The following NIN variants were observed in gnomAD, a reference collection of about 807,000 sequenced individuals.
NIN encodes glycogen synthase kinase 3 beta-interacting protein.
In NIN, 137 loss-of-function variants were observed where a neutral mutation model predicts 257.6. The ratio of observed to expected loss-of-function variants is 0.53; its 90% confidence interval spans 0.46 to 0.61. The LOEUF (loss-of-function observed/expected upper bound fraction) is 0.61, where lower values mean the gene tolerates loss of function less well. NIN is among the 20% of genes least tolerant of loss of function. The pLI is 0.00. For missense variants in NIN, 2,439 were observed against 2,501.2 expected (o/e 0.98, Z 0.53); for synonymous variants, 918 against 919.8 (o/e 1.00, Z 0.04).
At chr14:50,765,442 AAGT>A (rs1322461244) in intron 14 of NIN, among the ~76,000 whole-genome samples, 1 of 152,220 alleles carries the variant, frequency 6.6e-6, no homozygotes, top group East Asian at 1.9e-4. Flanking sequence ...GGAGGGCTGC[AAGT>A]AACTTCATAA....
In NIN at chr14:50,722,685, G is replaced by A. The variant is rs1433655251; in HGVS notation, c.*778C>T. ...TATTTACTCCAAAGTGGTTTGTTCA[G>A]TGCTTTCCCTATAGTTCAACTGCTT... On this transcript the variant is annotated 3_prime_UTR_variant, in exon 31 of 31. Transcript: ENST00000530997. The A allele has an allele frequency of 1.4e-5, 3 of 217,160 alleles. No homozygotes were observed. Among genetic ancestry groups the A allele is most frequent in the Non-Finnish European group, 2.8e-5 (3 of 107,628 alleles). 13.5% of individuals were successfully genotyped at this position (217,160 alleles called of 1,614,324 possible).
chr14:50,792,602 GAAA>G, intron 5 of NIN, 107 bp downstream of exon 5: 1 of 1,149,232 alleles, frequency 8.7e-7, no homozygotes. Flanking sequence ...TGGTAACTGA[GAAA>G]AGCCCACATC....
intron 8 of NIN, 80 bp from the exon 9 acceptor site, chr14:50,772,548 T>C (rs2042777651): frequency 8.0e-7 from 1 of 1,257,332 alleles, no homozygotes; most frequent in South Asian, 1.3e-5. Flanking sequence ...CTGACCACGA[T>C]GGGTAGAAGG....
At chr14:50,728,113 A>C (rs1360257535) in intron 29 of NIN, among the ~76,000 whole-genome samples, 2 of 151,774 alleles carry the variant, frequency 1.3e-5, no homozygotes. Flanking sequence ...TTGGAGGAAA[A>C]GGATATTTTT....
chr14:50,788,759 G>A (rs1037597405), intron 5 of NIN, among the ~76,000 whole-genome samples: 1 of 152,176 alleles, frequency 6.6e-6, no homozygotes, highest in Non-Finnish European at 1.5e-5. Context: ...AGTTTTTATA[G>A]GAGTTGTGAC....
intron 4 of NIN, among the ~76,000 whole-genome samples, chr14:50,800,401 G>A (rs192146863): frequency 1.2e-4 from 19 of 152,264 alleles, no homozygotes; most frequent in Non-Finnish European, 2.9e-5. Flanking sequence ...AATCTGAAAT[G>A]CTCCAATGAG....
chr14:50,741,521 C>T (rs199571003), intron 25 of NIN, 61 bp downstream of exon 25: 1 of 1,007,528 alleles, frequency 9.9e-7, no homozygotes, highest in Non-Finnish European at 1.5e-6. Flanking sequence ...ACCAAGTTGT[C>T]CTAAGATTTG....
At chr14:50,779,284 G>A (rs934059559) in intron 5 of NIN, among the ~76,000 whole-genome samples, 7 of 152,194 alleles carry the variant, frequency 4.6e-5, no homozygotes, top group Non-Finnish European at 1.0e-4. Flanking sequence ...AAGTTTATAT[G>A]CTAATGAAGA....
At position 50,741,682 on chromosome 14, in the gene NIN, G is replaced by A. The variant is rs1375122931; in HGVS notation, c.5348C>T (p.Ser1783Phe). ...DTVQNVNLQM[S>F]RMKSDLRVTQ... The stretch of plus-strand genomic sequence containing the variant: ...CACTCGTAGGTCAGATTTCATCCGG[G>A]ACATTTGCAGGTTTACATTCTGCAC... The change falls in exon 25 of 31, where the codon TCC becomes TTC. Residue 1783 changes from serine (S) to phenylalanine (F), a missense_variant. Around this residue, in one of 3 missense-constraint regions of NIN, gnomAD observed 2,043 missense variants for 2,050.2 expected, o/e 1.00. Coordinates refer to ENST00000530997, the MANE Select transcript of NIN (RefSeq NM_020921.4). 6.2e-7 allele frequency: 1 copy of A among 1,614,000 alleles called. No homozygotes were observed.
chr14:50,744,749 G>C (rs2041458618), intron 22 of NIN, among the ~76,000 whole-genome samples: 1 of 152,184 alleles, frequency 6.6e-6, no homozygotes. Flanking sequence ...GGTCAGTCTG[G>C]TGAACATGGT....
At position 50,757,940 on chromosome 14, in the gene NIN, T is replaced by A. The variant is rs2073348; in HGVS notation, c.3090A>T (p.Ser1030=). 0.31 allele frequency: 502,618 copies of A among 1,613,906 alleles called. 81,016 individuals are homozygous for A. Among genetic ancestry groups the A allele is most frequent in the East Asian group, 0.5 (22,284 of 44,862 alleles). Residue 1030 remains serine, a synonymous_variant, in exon 18 of 31, where the codon TCA becomes TCT. Coordinates refer to ENST00000530997, the MANE Select transcript of NIN (RefSeq NM_020921.4). ...TCACCTGGCAACCACTCTGAAGCAT[T>A]GAGAGAGGAGATGTTGCCTGCTGCA... ...KEMQQATSPL[S]MLQSGCQVIG...
At chr14:50,787,407 T>A (rs1055487546) in intron 5 of NIN, among the ~76,000 whole-genome samples, 5 of 152,204 alleles carry the variant, frequency 3.3e-5, no homozygotes, top group African/African-American at 7.2e-5. Flanking sequence ...AAATTCAAGG[T>A]CAGTTCAGTA....
chr14:50,794,551 AC>A, intron 4 of NIN: 1 of 776,860 alleles, frequency 1.3e-6, no homozygotes, highest in Non-Finnish European at 1.6e-6. Flanking sequence ...GCAATGCAGA[AC>A]CATCCTTAAT....
chr14:50,725,688 G>C, intron 30 of NIN: 1 of 541,698 alleles, frequency 1.8e-6, no homozygotes, highest in Non-Finnish European at 3.2e-6. Flanking sequence ...AAAATCTTAG[G>C]TCCATGTAAA....
In NIN at chr14:50,759,918, C is replaced by T. The variant is rs1223722917; in HGVS notation, c.2338G>A (p.Glu780Lys). The T allele has an allele frequency of 6.2e-7, 1 of 1,614,036 alleles. No homozygotes were observed. The highest frequency in any genetic ancestry group is 2.2e-5 in the East Asian group (1 of 44,894). Reference sequence around the variant, plus strand: ...AGCTCTTTTCTTAACTCCTCTTTCTCAAGAGTGTGTTTCTCCACCAGGCTT... The same window carrying T: ...AGCTCTTTTCTTAACTCCTCTTTCTTAAGAGTGTGTTTCTCCACCAGGCTT... ...LTSLVEKHTL[E>K]KEELRKELLE... The change falls in exon 17 of 31, where the codon GAG becomes AAG. Residue 780 changes from glutamate to lysine, a missense_variant. Physicochemically the swap from Glu to Lys is moderately conservative, Grantham distance 56 (BLOSUM62 1). Coordinates refer to ENST00000530997, the MANE Select transcript of NIN (RefSeq NM_020921.4).
chr14:50,763,276 CCCAAACTCTGCCTT>C (rs2042343625), intron 15 of NIN, among the ~76,000 whole-genome samples: 1 of 151,888 alleles, frequency 6.6e-6, no homozygotes, highest in African/African-American at 2.4e-5. Context: ...GCAGGAGGCT[CCCAAACTCTGCCTT>C]CCAAACTTGC....
At chr14:50,817,510 A>G (rs567910470) in intron 3 of NIN, among the ~76,000 whole-genome samples, 2 of 152,342 alleles carry the variant, frequency 1.3e-5, no homozygotes, top group East Asian at 3.9e-4. Context: ...AAATTTTAAT[A>G]CTAAAAATTT....
intron 28 of NIN, among the ~76,000 whole-genome samples, chr14:50,731,742 C>T (rs187158261): frequency 6.6e-6 from 1 of 152,238 alleles, no homozygotes; most frequent in Non-Finnish European, 1.5e-5. Flanking sequence ...AGAAGAATCG[C>T]TCGAATCCGG....
rs2042727820 is a variant in NIN, at chr14:50,771,415, G to A, written c.1035C>T (p.Ala345=). 1 of 1,614,106 alleles carries A rather than the reference G, an allele frequency of 6.2e-7. No individual in the cohort carries two copies. The highest frequency in any genetic ancestry group is 8.5e-7 in the Non-Finnish European group (1 of 1,180,012). The change falls in exon 10 of 31, where the codon GCC becomes GCT. Residue 345 remains alanine (A), a synonymous_variant. Transcript: ENST00000530997. The part of the protein sequence containing the change: ...GNINLTELTL[A]LENELLVTKN... ...TGGTAACCAAAAGTTCATTTTCAAG[G>A]GCCAGTGTTAATTCTGTCAAATTGA...
Sources: gnomAD v4.1 joint callset for allele counts (sites outside exome capture counted in the v4.1 genomes callset) on GRCh38, gnomAD v4.1.1 for gene constraint, gnomAD v4.1.1 regional missense constraint, MANE v1.5 for transcripts, NCBI Gene and HGNC (gene_info 2026-07-23, HGNC 2026-07-21) for gene names.